Variants in PDE11A observed in about 807,000 individuals in gnomAD.
The protein encoded by PDE11A is dual 3',5'-cyclic-AMP and -GMP phosphodiesterase 11A.
In PDE11A, 100 loss-of-function variants were observed where a neutral mutation model predicts 100.5. The observed-to-expected ratio is 1.00, with a 90% confidence interval of 0.85 to 1.18. PDE11A has a LOEUF of 1.18. Ranked by LOEUF, PDE11A falls within the 50% of genes most tolerant of loss-of-function variation. The pLI, the probability that PDE11A is intolerant of heterozygous loss-of-function variation, is 0.00. For missense variants in PDE11A, 1,141 were observed against 1,152.6 expected, an observed-to-expected ratio of 0.99 and a Z score of 0.15; for synonymous variants, 381 against 420.8, an observed-to-expected ratio of 0.91 and a Z score of 1.16.
chr2:177,838,980 T>A (rs1187521624), intron 6 of PDE11A, among the ~76,000 whole-genome samples: 1 of 152,164 alleles, frequency 6.6e-6, no homozygotes, highest in Non-Finnish European at 1.5e-5. Context: ...AGACTAGGAC[T>A]TCATTTAAGG....
rs1299867304 is a variant in PDE11A at position 177,727,820 on chromosome 2, C to T, written c.1936-55G>A. 1.3e-5 allele frequency: 14 copies of T among 1,107,248 alleles called. No homozygotes were observed. In the Admixed American group the frequency reaches 1.5e-4, roughly 12 times the overall value. The allele number at this position is 1,107,248 out of a possible 1,614,324, so 68.6% of individuals were successfully genotyped here. On this transcript the variant is annotated intron_variant, in intron 11 of 19. Transcript: ENST00000286063. ...CAGTTGTAAGTGATTCTAGTGGACC[C>T]TTATCTCAATGGTGCCTTATATCTG...
At chr2:177,680,753 G>A in intron 16 of PDE11A, 73 bp downstream of exon 16, 1 of 807,450 alleles carries the variant, frequency 1.2e-6, no homozygotes, top group Non-Finnish European at 2.2e-6. Flanking sequence ...TATGCTCTTA[G>A]TACTGTCAGA....
At chr2:177,798,461 T>G (rs79486232) in intron 9 of PDE11A, among the ~76,000 whole-genome samples, 16 of 152,340 alleles carry the variant, frequency 1.1e-4, no homozygotes, top group African/African-American at 3.8e-4. Flanking sequence ...GTAACATTAA[T>G]GATTATTTAT....
intron 2 of PDE11A, among the ~76,000 whole-genome samples, chr2:178,101,161 G>A (rs1021144743): frequency 2.6e-5 from 4 of 152,046 alleles, no homozygotes; most frequent in Non-Finnish European, 4.4e-5. Flanking sequence ...CCAACTAACT[G>A]GCTACAAATT....
At chr2:178,071,438 A>C (rs987413100) in intron 1 of PDE11A, 88 bp downstream of exon 1, 3 of 1,555,114 alleles carry the variant, frequency 1.9e-6, no homozygotes, top group Non-Finnish European at 2.7e-6. Flanking sequence ...AGCCTAAATT[A>C]ATGTGTTCCT....
At chr2:177,984,918 C>G (rs1380426904) in intron 2 of PDE11A, among the ~76,000 whole-genome samples, 1 of 152,184 alleles carries the variant, frequency 6.6e-6, no homozygotes, top group Non-Finnish European at 1.5e-5. Flanking sequence ...TGAGGTCTAC[C>G]CAGCTCCAAA....
intron 2 of PDE11A, among the ~76,000 whole-genome samples, chr2:177,984,332 A>G (rs2085916971): frequency 6.6e-6 from 1 of 152,224 alleles, no homozygotes; most frequent in African/African-American, 2.4e-5. Context: ...AAAATATAGA[A>G]TGAATACCTT....
intron 19 of PDE11A, among the ~76,000 whole-genome samples, chr2:177,652,107 C>T (rs1448312863): frequency 6.6e-6 from 1 of 152,190 alleles, no homozygotes; most frequent in Non-Finnish European, 1.5e-5. Context: ...TGTGGGGTCT[C>T]CCAGTGGCTG....
At chr2:177,863,487 G>A (rs1344334326) in intron 5 of PDE11A, among the ~76,000 whole-genome samples, 1 of 151,838 alleles carries the variant, frequency 6.6e-6, no homozygotes, top group Non-Finnish European at 1.5e-5. Context: ...CTCAAAAGTG[G>A]AAAAACAAAC....
chr2:178,012,405 C>A (rs2086283494), intron 2 of PDE11A, among the ~76,000 whole-genome samples: 1 of 152,118 alleles, frequency 6.6e-6, no homozygotes, highest in Non-Finnish European at 1.5e-5. Context: ...TGCCTAGTTT[C>A]TTGTATTTTG....
At chr2:178,106,812 T>C (rs1473646997) in intron 1 of PDE11A, among the ~76,000 whole-genome samples, 3 of 151,826 alleles carry the variant, frequency 2.0e-5, no homozygotes, top group African/African-American at 7.3e-5. Flanking sequence ...ATACAAAAAT[T>C]AGCCGGGTGT....
intron 5 of PDE11A, among the ~76,000 whole-genome samples, chr2:177,858,079 C>A (rs999734937): frequency 1.3e-5 from 2 of 151,932 alleles, no homozygotes; most frequent in Non-Finnish European, 2.9e-5. Flanking sequence ...CTTCCTTACA[C>A]CTTATAAAAA....
At chr2:177,876,496 T>C (rs1015928678) in intron 4 of PDE11A, among the ~76,000 whole-genome samples, 3 of 148,472 alleles carry the variant, frequency 2.0e-5, no homozygotes, top group African/African-American at 7.7e-5. Context: ...GTGCGAGAGT[T>C]GACCAAGGCT....
At chr2:177,951,896 A>G (rs1285382720) in intron 2 of PDE11A, among the ~76,000 whole-genome samples, 1 of 152,184 alleles carries the variant, frequency 6.6e-6, no homozygotes, top group Admixed American at 6.5e-5. Flanking sequence ...AGGATTGTTT[A>G]GGGGAAAAAA....
intron 9 of PDE11A, among the ~76,000 whole-genome samples, chr2:177,783,077 C>T (rs2082476204): frequency 6.6e-6 from 1 of 152,186 alleles, no homozygotes; most frequent in Non-Finnish European, 1.5e-5. Flanking sequence ...TCTGGCTTCT[C>T]TCCAATGTAA....
In PDE11A at chr2:177,778,583, T is replaced by C. The variant is rs1314531784; in HGVS notation, c.1738-9210A>G. Among the ~76,000 whole-genome samples the C allele has an allele frequency of 2.6e-5, 4 of 152,318 alleles. No individual in the cohort carries two copies. In the East Asian group the frequency reaches 5.8e-4, roughly 22 times the overall value. ...GAAGTAAAATCCCAAATAATTTATA[T>C]TGATGAGCTCCAAAGAAATAAAGAA... On this transcript the variant is annotated intron_variant, in intron 9 of 19. Transcript: ENST00000286063.
chr2:177,639,104 C>G (rs1266094320), intron 19 of PDE11A, among the ~76,000 whole-genome samples: 1 of 152,192 alleles, frequency 6.6e-6, no homozygotes, highest in Non-Finnish European at 1.5e-5. Flanking sequence ...CTGGATTCCC[C>G]CTGCCTGTGC....
intron 15 of PDE11A, among the ~76,000 whole-genome samples, chr2:177,696,505 C>T (rs577693034): frequency 7.9e-4 from 120 of 152,118 alleles, no homozygotes; most frequent in African/African-American, 2.7e-3. Flanking sequence ...TGAGTACAGG[C>T]CATTGAATTT....
chr2:178,052,291 A>G (rs1386787154), intron 1 of PDE11A, among the ~76,000 whole-genome samples: 1 of 152,252 alleles, frequency 6.6e-6, no homozygotes, highest in Non-Finnish European at 1.5e-5. Flanking sequence ...TGAAGGCAGA[A>G]ATAAAGACAT....
Sources: gnomAD v4.1 joint callset for allele counts (sites outside exome capture counted in the v4.1 genomes callset) on GRCh38, gnomAD v4.1.1 for gene constraint, MANE v1.5 for transcripts, NCBI Gene and HGNC (gene_info 2026-07-23, HGNC 2026-07-21) for gene names.